Variants in SCN2B observed in about 807,000 individuals in gnomAD.
SCN2B encodes the protein sodium channel regulatory subunit beta-2.
A neutral mutation model predicts 18.2 loss-of-function variants in SCN2B; 14 were observed. The observed-to-expected ratio is 0.77, with a 90% confidence interval of 0.51 to 1.21. The LOEUF (loss-of-function observed/expected upper bound fraction) is 1.21. Among genes scored for constraint, SCN2B ranks in the 50% most tolerant of loss-of-function variants. The pLI, the probability that SCN2B is intolerant of heterozygous loss-of-function variation, is 0.00. For missense variants in SCN2B, 262 were observed against 286.9 expected (o/e 0.91, Z 0.63); for synonymous variants, 115 against 115.3 (o/e 1.00, Z 0.02).
chr11:118,176,381 G>A lies in SCN2B; in HGVS notation c.51C>T (p.Leu17=). The A allele has an allele frequency of 6.2e-7, 1 of 1,614,002 alleles. No individual in the cohort carries two copies. The highest frequency in any genetic ancestry group is 2.2e-5 in the East Asian group (1 of 44,880). ...ACTTACCCAAAGAGAAAAAGAGACT[G>A]AGCCCCGTGAGGCTGAAGGCAGGGC... ...LPRPAFSLTG[L]SLFFSLVPPG... Residue 17 remains leucine, a synonymous_variant, in exon 1 of 4, where the codon CTC becomes CTT. Coordinates refer to ENST00000278947, the MANE Select transcript of SCN2B (RefSeq NM_004588.5).
At chr11:118,174,008 G>A (rs1448762562) in intron 1 of SCN2B, among the ~76,000 whole-genome samples, 2 of 151,272 alleles carry the variant, frequency 1.3e-5, no homozygotes, top group East Asian at 3.9e-4. Context: ...CTGCAGCCTG[G>A]AACTCTTGAT....
At chr11:118,171,224 T>A (rs1428696379) in intron 1 of SCN2B, among the ~76,000 whole-genome samples, 1 of 152,134 alleles carries the variant, frequency 6.6e-6, no homozygotes, top group Non-Finnish European at 1.5e-5. Flanking sequence ...GGGCCGAGGA[T>A]TCCAGGTGTG....
In SCN2B at chr11:118,166,928, T is replaced by C. The variant is rs778789869; in HGVS notation, c.607A>G (p.Lys203Glu). Residue 203 changes from lysine (K) to glutamate (E), a missense_variant, in exon 4 of 4, where the codon AAG (lysine) becomes GAG (glutamate). Coordinates refer to ENST00000278947, the MANE Select transcript of SCN2B (RefSeq NM_004588.5). ...TDDLKTEEEG[K>E]TDGEGNPDDG... ...TCCGGGTTGCCTTCACCGTCCGTCT[T>C]GCCCTCCTCCTCGGTCTTCAGGTCA... 1 of 1,614,172 alleles carries C rather than the reference T, an allele frequency of 6.2e-7. No homozygotes were observed. The highest frequency in any genetic ancestry group is 8.5e-7 in the Non-Finnish European group (1 of 1,180,028).
At position 118,176,272 on chromosome 11, in the gene SCN2B, A is replaced by G. The variant is rs776524876; in HGVS notation, c.70+90T>C. On this transcript the variant is annotated intron_variant, in intron 1 of 3. Transcript: ENST00000278947. Reference sequence around the variant, plus strand: ...AGGACACAGAGGGAAAGCGCTAGCAATGTCTTCTTTCCTATCCCCTGCCCC... The same window carrying G: ...AGGACACAGAGGGAAAGCGCTAGCAGTGTCTTCTTTCCTATCCCCTGCCCC... 6 of 1,208,522 alleles carry G rather than the reference A, an allele frequency of 5.0e-6. No homozygotes were observed. In the Admixed American group the frequency reaches 6.8e-5, roughly 14 times the overall value. The allele number at this position is 1,208,522 out of a possible 1,614,324, so 74.9% of individuals were successfully genotyped here. A position where few individuals can be genotyped will look rare whatever the true frequency, so the allele number is the denominator to read the frequency against.
intron 3 of SCN2B, among the ~76,000 whole-genome samples, chr11:118,167,388 A>G (rs1948393834): frequency 6.6e-6 from 1 of 152,220 alleles, no homozygotes; most frequent in Non-Finnish European, 1.5e-5. Flanking sequence ...ACCTTAAGTA[A>G]CTTATCCTCT....
At position 118,168,333 on chromosome 11, in the gene SCN2B, G is replaced by T. The variant is rs1392689203; in HGVS notation, c.238-38C>A. 6.4e-7 allele frequency: 1 copy of T among 1,572,658 alleles called. No individual in the cohort carries two copies. The highest frequency in any genetic ancestry group is 1.3e-5 in the African/African-American group (1 of 74,158). ...CAAGGGACAGGATGGGTGGCTGGAT[G>T]AGCAAGGAACTACAAGGACAGTGAG... is the stretch of plus-strand genomic sequence containing the variant. On this transcript the variant is annotated intron_variant, in intron 2 of 3. Transcript: ENST00000278947. The surrounding 1 kb of genome is among the most constrained non-coding windows in gnomAD (Gnocchi z 4.7).
In SCN2B at chr11:118,169,542, C is replaced by A. The variant is rs150513277; in HGVS notation, c.71-791G>T. Among the ~76,000 whole-genome samples, 287 of 152,276 alleles carry A rather than the reference C, an allele frequency of 1.9e-3. 1 individual carries two copies. Among genetic ancestry groups the A allele is most frequent in the African/African-American group, 6.4e-3 (266 of 41,548 alleles). On this transcript the variant is annotated intron_variant, in intron 1 of 3. Coordinates refer to ENST00000278947, the MANE Select transcript of SCN2B (RefSeq NM_004588.5). The stretch of plus-strand genomic sequence containing the variant: ...AGCTGTGTCCCAGCCCAGCCCAGCC[C>A]CCTACCTTCCTCAGGCTTGCAACAG...
At chr11:118,175,662 G>C (rs1019742282) in intron 1 of SCN2B, among the ~76,000 whole-genome samples, 15 of 152,162 alleles carry the variant, frequency 9.9e-5, no homozygotes, top group Non-Finnish European at 1.9e-4. Flanking sequence ...GCAGTTCTGA[G>C]GCTGGATTTA....
chr11:118,165,156 C>G lies in SCN2B; in HGVS notation c.*1731G>C, dbSNP rs1333705925. 2 of 152,494 alleles carry G rather than the reference C, an allele frequency of 1.3e-5. No homozygotes were observed. Among genetic ancestry groups the G allele is most frequent in the Admixed American group, 6.5e-5 (1 of 15,284 alleles). The allele number at this position is 152,494 out of a possible 1,614,324, so 9.4% of individuals were successfully genotyped here. ...CTGGGAGGGGGCAGGGCTAGAGAAGCCCACCCCTCCAACTCGCCCCATCAT... is the reference window on the plus strand; with the variant it reads ...CTGGGAGGGGGCAGGGCTAGAGAAGGCCACCCCTCCAACTCGCCCCATCAT... On this transcript the variant is annotated 3_prime_UTR_variant, in exon 4 of 4. Transcript: ENST00000278947.
chr11:118,169,954 G>A (rs1373491954), intron 1 of SCN2B, among the ~76,000 whole-genome samples: 2 of 152,210 alleles, frequency 1.3e-5, no homozygotes, highest in Admixed American at 1.3e-4. Context: ...GGACTCACCT[G>A]AGCCCTGGCC....
At chr11:118,172,991 C>A (rs1948441529) in intron 1 of SCN2B, among the ~76,000 whole-genome samples, 1 of 151,770 alleles carries the variant, frequency 6.6e-6, no homozygotes, top group Non-Finnish European at 1.5e-5. Flanking sequence ...ATCTCCGCAC[C>A]TGCACTGCCT....
rs915655287 is a variant in SCN2B, at chr11:118,163,004, G to A, written c.*3883C>T. The stretch of plus-strand genomic sequence containing the variant: ...ACCAAGAAAGTGCATATGTAGTTGG[G>A]TTTTCCCCTCCAAGTGCACAAAGCG... On this transcript the variant is annotated 3_prime_UTR_variant, in exon 4 of 4. Transcript: ENST00000278947. 2.0e-5 allele frequency: 3 copies of A among 152,494 alleles called. No homozygotes were observed. The highest frequency in any genetic ancestry group is 7.3e-5 in the African/African-American group (3 of 41,374). The allele number at this position is 152,494 out of a possible 1,614,324, so 9.4% of individuals were successfully genotyped here. A position where few individuals can be genotyped will look rare whatever the true frequency, so the allele number is the denominator to read the frequency against.
chr11:118,168,805 G>C lies in SCN2B; in HGVS notation c.71-54C>G. ...AGTCTGGCTGAAAGGGCTGGGGAGG[G>C]GCAAGCCCTCTGTGCCTGGGAGTGT... On this transcript the variant is annotated intron_variant, in intron 1 of 3. Coordinates refer to ENST00000278947, the MANE Select transcript of SCN2B (RefSeq NM_004588.5). This position sits in a 1 kb window ranked among gnomAD's most constrained non-coding sequence, Gnocchi z 4.7. The C allele has an allele frequency of 6.3e-7, 1 of 1,596,708 alleles. No homozygotes were observed. Among genetic ancestry groups the C allele is most frequent in the South Asian group, 1.1e-5 (1 of 90,672 alleles).
In SCN2B at chr11:118,166,704, T is replaced by C; in HGVS notation, c.*183A>G. ...CCCAGAGCATGGCAGGTTTCTCGGA[T>C]GGAAGAGAGTGGGTCACTCTTGGTG... On this transcript the variant is annotated 3_prime_UTR_variant, in exon 4 of 4. Coordinates refer to ENST00000278947, the MANE Select transcript of SCN2B (RefSeq NM_004588.5). 1.5e-6 allele frequency: 1 copy of C among 675,194 alleles called. No homozygotes were observed. Among genetic ancestry groups the C allele is most frequent in the Non-Finnish European group, 2.6e-6 (1 of 387,034 alleles). The allele number at this position is 675,194 out of a possible 1,614,324, so 41.8% of individuals were successfully genotyped here.
chr11:118,166,469 G>A lies in SCN2B; in HGVS notation c.*418C>T, dbSNP rs2135517182. ...GCCAGGCCAAGGCCCTCCTGAGGGA[G>A]CGCTGTCAGCACAGGAAAGCCCTCC... On this transcript the variant is annotated 3_prime_UTR_variant, in exon 4 of 4. Coordinates refer to ENST00000278947, the MANE Select transcript of SCN2B (RefSeq NM_004588.5). The A allele has an allele frequency of 3.5e-6, 1 of 284,726 alleles. No homozygotes were observed. The highest frequency in any genetic ancestry group is 9.3e-5 in the East Asian group (1 of 10,792). The allele number at this position is 284,726 out of a possible 1,614,324, so 17.6% of individuals were successfully genotyped here.
Position 118,166,735 on chromosome 11 carries a change from T to G in SCN2B, c.*152A>C. On this transcript the variant is annotated 3_prime_UTR_variant, in exon 4 of 4. Coordinates refer to ENST00000278947, the MANE Select transcript of SCN2B (RefSeq NM_004588.5). The stretch of plus-strand genomic sequence containing the variant: ...AGAGTGGGTCACTCTTGGTGCAGGG[T>G]GGGAGATACGAAGTCGGGGGTTCAG... 1 of 793,272 alleles carries G rather than the reference T, an allele frequency of 1.3e-6. No individual in the cohort carries two copies. Among genetic ancestry groups the G allele is most frequent in the Admixed American group, 2.0e-5 (1 of 49,190 alleles). The allele number at this position is 793,272 out of a possible 1,614,324, so 49.1% of individuals were successfully genotyped here.
chr11:118,174,062 T>C (rs117412887), intron 1 of SCN2B, among the ~76,000 whole-genome samples: 28 of 150,660 alleles, frequency 1.9e-4, no homozygotes, highest in Non-Finnish European at 3.5e-4. Flanking sequence ...TACAGGTACA[T>C]GCCACCATGC....
chr11:118,174,104 T>TTTTTTTTTTTTTTTTTTTTTTTTTG (rs1948450938), intron 1 of SCN2B, among the ~76,000 whole-genome samples: 1 of 128,120 alleles, frequency 7.8e-6, no homozygotes, highest in African/African-American at 3.1e-5. Flanking sequence ...TTTTTTTTTT[T>TTTTTTTTTTTTTTTTTTTTTTTTTG]TTTTTTTTTT....
At position 118,174,091 on chromosome 11, in the gene SCN2B, CTTTTTTTT is replaced by C. The variant is rs1162918445; in HGVS notation, c.70+2263_70+2270del. On this transcript the variant is annotated intron_variant, in intron 1 of 3. Transcript: ENST00000278947. ...ACCATGCCTGGCTTATTTTTCTTTT[CTTTTTTTT>C]TTTTTTTTTTTTTTTTTTTTTGTAG... 1.1e-3 allele frequency among the ~76,000 whole-genome samples: 76 copies of C among 66,666 alleles called. 7 individuals are homozygous for C. The highest frequency in any genetic ancestry group is 2.4e-3 in the African/African-American group (37 of 15,548). 43.7% of individuals were successfully genotyped at this position (66,666 alleles called of 152,430 possible).
Sources: gnomAD v4.1 joint callset for allele counts (sites outside exome capture counted in the v4.1 genomes callset) on GRCh38, gnomAD v4.1.1 for gene constraint, Gnocchi (gnomAD v3.1) non-coding constraint, MANE v1.5 for transcripts, NCBI Gene and HGNC (gene_info 2026-07-23, HGNC 2026-07-21) for gene names.